Variants in CCDC83 observed in about 807,000 individuals in gnomAD.
CCDC83 encodes coiled-coil domain-containing protein 83.
A neutral mutation model predicts 50.1 loss-of-function variants in CCDC83; 54 were observed. The ratio of observed to expected loss-of-function variants is 1.08; its 90% CI spans 0.87 to 1.35. The LOEUF (loss-of-function observed/expected upper bound fraction) is 1.35, where lower values mean the gene tolerates loss of function less well. CCDC83 is among the 40% of genes most tolerant of loss of function. The pLI is 0.00. For synonymous variants in CCDC83, 161 were observed against 153.3 expected, an observed-to-expected ratio of 1.05 and a Z score of -0.37; for missense variants, 518 against 473.9, an observed-to-expected ratio of 1.09 and a Z score of -0.86.
chr11:85,898,198 C>T (rs1250954404), intron 6 of CCDC83, among the ~76,000 whole-genome samples: 1 of 151,438 alleles, frequency 6.6e-6, no homozygotes, highest in Non-Finnish European at 1.5e-5. Flanking sequence ...TTACCCTTAA[C>T]ACACTTTTAA....
intron 2 of CCDC83, among the ~76,000 whole-genome samples, chr11:85,867,059 AGTT>A (rs780403084): frequency 2.0e-5 from 3 of 152,082 alleles, no homozygotes; most frequent in South Asian, 2.1e-4. Flanking sequence ...TGTTTAAGAG[AGTT>A]GTTGTTGTTT....
intron 1 of CCDC83, among the ~76,000 whole-genome samples, chr11:85,858,997 G>A (rs2153681342): frequency 6.6e-6 from 1 of 151,852 alleles, no homozygotes; most frequent in African/African-American, 2.4e-5. Context: ...AGGTTGAGAG[G>A]GGCCATAAAA....
chr11:85,859,220 T>G (rs543856308), intron 1 of CCDC83, among the ~76,000 whole-genome samples: 1 of 141,746 alleles, frequency 7.1e-6, no homozygotes, highest in South Asian at 2.2e-4. Context: ...AAATGAGTTC[T>G]ACAATGAGAA....
Position 85,898,996 on chromosome 11 carries a change from ATGAC to A in CCDC83, c.656_659del (p.Asp219GlyfsTer16). Reference sequence around the variant, plus strand: ...GGCAGTTATCTAGAGATCTGGGAGAATGACTGGCTCAAAAAAGAGGTAAGTGGAA... The same window carrying A: ...GGCAGTTATCTAGAGATCTGGGAGAATGGCTCAAAAAAGAGGTAAGTGGAA... On this transcript the variant is annotated frameshift_variant, in exon 7 of 11. Coordinates refer to ENST00000342404, the MANE Select transcript of CCDC83 (RefSeq NM_001286159.2). LOFTEE classifies it high-confidence loss of function. 1 of 1,610,978 alleles carries A rather than the reference ATGAC, an allele frequency of 6.2e-7. No individual in the cohort carries two copies. The highest frequency in any genetic ancestry group is 8.5e-7 in the Non-Finnish European group (1 of 1,177,836).
intron 6 of CCDC83, among the ~76,000 whole-genome samples, chr11:85,896,196 G>A (rs2093374293): frequency 6.6e-6 from 1 of 151,958 alleles, no homozygotes. Flanking sequence ...AGAGGCCAAG[G>A]CGGGTGGATT....
In CCDC83 at chr11:85,912,728, G is replaced by A; in HGVS notation, c.794+1326G>A. The stretch of plus-strand genomic sequence containing the variant: ...GCCTTTGGAATCATGTCTAATCTCT[G>A]CCAGGCGTTGCTGGTATGTGGCTTC... On this transcript the variant is annotated intron_variant, in intron 8 of 10. Transcript: ENST00000342404. 6.2e-7 allele frequency: 1 copy of A among 1,605,160 alleles called. No individual in the cohort carries two copies.
rs771072079 is a variant in CCDC83, at chr11:85,919,445, C to T, written c.1177C>T (p.Leu393Phe). 6 of 1,613,006 alleles carry T rather than the reference C, an allele frequency of 3.7e-6. No individual in the cohort carries two copies. The South Asian group carries it at 6.6e-5, about 18-fold the overall frequency. Residue 393 changes from leucine (L) to phenylalanine (F), a missense_variant, in exon 11 of 11, where the codon CTC becomes TTC. By Grantham distance (22) the Leu-to-Phe change is conservative. Transcript: ENST00000342404. ...TCAAGAGAAGGAAATTCCAGTCAAACTCTATAAAGATGTCAGGAGCCCAGA... is the reference window on the plus strand; with the variant it reads ...TCAAGAGAAGGAAATTCCAGTCAAATTCTATAAAGATGTCAGGAGCCCAGA... ...HFQEKEIPVK[L>F]YKDVRSPESH...
chr11:85,868,470 A>C (rs2153682843), intron 2 of CCDC83, among the ~76,000 whole-genome samples: 1 of 152,220 alleles, frequency 6.6e-6, no homozygotes, highest in Non-Finnish European at 1.5e-5. Flanking sequence ...CGCCTCCTGG[A>C]TTCAAGCAAT....
intron 5 of CCDC83, among the ~76,000 whole-genome samples, chr11:85,888,966 T>C (rs1350800849): frequency 6.6e-6 from 1 of 152,266 alleles, no homozygotes; most frequent in East Asian, 1.9e-4. Context: ...ATTTTCAAAA[T>C]TTCAAATATT....
chr11:85,886,147 A>C, intron 4 of CCDC83, 53 bp from the exon 5 acceptor site: 7 of 1,400,586 alleles, frequency 5.0e-6, no homozygotes, highest in Non-Finnish European at 5.7e-6. Flanking sequence ...AGATTGCAAC[A>C]TATAATGGTT....
At chr11:85,889,333 CAGAG>C (rs1325205505) in intron 5 of CCDC83, among the ~76,000 whole-genome samples, 1 of 152,206 alleles carries the variant, frequency 6.6e-6, no homozygotes, top group Non-Finnish European at 1.5e-5. Flanking sequence ...GTCTAGGTGA[CAGAG>C]AGAGACCTTG....
intron 6 of CCDC83, among the ~76,000 whole-genome samples, chr11:85,895,655 C>T (rs1197367029): frequency 6.6e-6 from 1 of 152,172 alleles, no homozygotes; most frequent in Non-Finnish European, 1.5e-5. Flanking sequence ...TCTACACTTA[C>T]TGGCTGTATA....
chr11:85,860,454 C>T (rs1393590556), intron 1 of CCDC83, among the ~76,000 whole-genome samples: 1 of 152,010 alleles, frequency 6.6e-6, no homozygotes, highest in South Asian at 2.1e-4. Context: ...TACTATCACA[C>T]AGGAATCACA....
At chr11:85,913,581 T>C (rs1024793097) in intron 8 of CCDC83, among the ~76,000 whole-genome samples, 16 of 152,234 alleles carry the variant, frequency 1.1e-4, no homozygotes, top group African/African-American at 3.9e-4. Flanking sequence ...GAAATAGACA[T>C]GAACTGTCTC....
Position 85,908,517 on chromosome 11 carries a change from T to C in CCDC83, c.673-2764T>C, listed in dbSNP as rs577183512. 1.9e-4 allele frequency among the ~76,000 whole-genome samples: 29 copies of C among 151,908 alleles called. 1 individual carries two copies. The highest frequency in any genetic ancestry group is 6.8e-4 in the African/African-American group (28 of 41,378). ...GGTCAGCCAAGATCACGCCACTGCA[T>C]TCCAACCTGGGCAACACAGCATAGA... On this transcript the variant is annotated intron_variant, in intron 7 of 10. Coordinates refer to ENST00000342404, the MANE Select transcript of CCDC83 (RefSeq NM_001286159.2).
intron 1 of CCDC83, among the ~76,000 whole-genome samples, chr11:85,864,359 A>G (rs1414831908): frequency 1.3e-5 from 2 of 152,230 alleles, no homozygotes; most frequent in Non-Finnish European, 2.9e-5. Context: ...GTTAAGGAAG[A>G]CTATAATCTG....
rs111977675 is a variant in CCDC83, at chr11:85,914,103, T to G, written c.795-1316T>G. Reference sequence around the variant, plus strand: ...TTTACTAAGGTACCTTTACTAAACTTACCTTAACTAAAGTTAAGTTTTTAG... The same window carrying G: ...TTTACTAAGGTACCTTTACTAAACTGACCTTAACTAAAGTTAAGTTTTTAG... On this transcript the variant is annotated intron_variant, in intron 8 of 10. Transcript: ENST00000342404. 6.3e-3 allele frequency among the ~76,000 whole-genome samples: 955 copies of G among 152,354 alleles called. 10 individuals carry two copies. The highest frequency in any genetic ancestry group is 0.022 in the African/African-American group (906 of 41,578).
At chr11:85,917,119 G>T (rs1334842869) in intron 10 of CCDC83, among the ~76,000 whole-genome samples, 3 of 89,464 alleles carry the variant, frequency 3.4e-5, no homozygotes, top group African/African-American at 5.0e-5. Context: ...AAGAAAGAAA[G>T]AAAAAAGAAA....
At chr11:85,872,526 C>T (rs1396952558) in intron 2 of CCDC83, among the ~76,000 whole-genome samples, 2 of 152,096 alleles carry the variant, frequency 1.3e-5, no homozygotes, top group African/African-American at 4.8e-5. Flanking sequence ...CCCAGATCCA[C>T]CTGCCACGGC....
Sources: allele counts gnomAD v4.1 joint callset (sites outside exome capture counted in the v4.1 genomes callset), GRCh38; gene constraint gnomAD v4.1.1; transcripts MANE v1.5; gene names NCBI Gene and HGNC (gene_info 2026-07-23, HGNC 2026-07-21).